MSR1: variants seen among roughly 807,000 people sequenced by gnomAD.
MSR1 encodes the protein macrophage scavenger receptor types I and II.
A neutral mutation model predicts 47.2 loss-of-function variants in MSR1; 53 were observed. That is an observed-to-expected ratio of 1.12 (90% CI 0.90 to 1.41). The LOEUF is 1.41. Ranked by LOEUF, MSR1 falls within the 40% of genes most tolerant of loss-of-function variation. The probability of loss-of-function intolerance (pLI) is 0.00; values close to 1 mark genes in which losing one functional copy is unlikely to be tolerated. For missense variants in MSR1, 786 were observed against 546.9 expected (o/e 1.44, Z -4.36); for synonymous variants, 239 against 185.6 (o/e 1.29, Z -2.34).
intron 8 of MSR1, chr8:16,139,489 T>G (rs1800472284): frequency 2.0e-6 from 2 of 983,898 alleles, no homozygotes; most frequent in South Asian, 9.4e-5. Context: ...ACTAGAATCT[T>G]AATAGTATGA....
intron 8 of MSR1, among the ~76,000 whole-genome samples, chr8:16,136,647 G>A (rs1682723924): frequency 6.6e-6 from 1 of 152,056 alleles, no homozygotes; most frequent in Non-Finnish European, 1.5e-5. Context: ...TCTGTCTCCA[G>A]GCGGGAGTGC....
Position 16,168,588 on chromosome 8 carries a change from T to C in MSR1, c.500A>G (p.Gln167Arg), listed in dbSNP as rs1482959327. The change falls in exon 4 of 10, where the codon CAG becomes CGG. Residue 167 changes from glutamine (Q) to arginine (R), a missense_variant. Transcript: ENST00000262101. ...TTCATCTATTGCATTCCCATGTCCC[T>C]GGACTGAGGAAAACAAGGTACTTAG... is the stretch of plus-strand genomic sequence containing the variant. ...LQLSTLFSSV[Q>R]GHGNAIDEIS... The C allele has an allele frequency of 2.5e-6, 4 of 1,614,064 alleles. No homozygotes were observed. Among genetic ancestry groups the C allele is most frequent in the African/African-American group, 2.7e-5 (2 of 74,946 alleles).
chr8:16,190,668 T>C (rs529397831), intron 1 of MSR1, among the ~76,000 whole-genome samples: 1 of 152,196 alleles, frequency 6.6e-6, no homozygotes, highest in African/African-American at 2.4e-5. Context: ...ATGCATTCGT[T>C]TTCCTAAGAT....
intron 9 of MSR1, 140 bp downstream of exon 9, chr8:16,120,278 A>T (rs979567258): frequency 8.3e-6 from 7 of 838,582 alleles, no homozygotes; most frequent in Non-Finnish European, 1.4e-5. Context: ...TAGGCAGGCT[A>T]AGGGAGGAGA....
intron 5 of MSR1, among the ~76,000 whole-genome samples, chr8:16,160,999 C>T (rs900850014): frequency 6.7e-6 from 1 of 149,554 alleles, no homozygotes; most frequent in African/African-American, 2.5e-5. Context: ...AAACCACACA[C>T]ATCCAGTAAT....
intron 5 of MSR1, among the ~76,000 whole-genome samples, chr8:16,161,800 G>A (rs1007551966): frequency 2.0e-5 from 3 of 151,228 alleles, no homozygotes; most frequent in African/African-American, 7.3e-5. Context: ...TTTTTTCATT[G>A]TCATCACTTG....
At chr8:16,162,760 T>G (rs1469957241) in intron 5 of MSR1, among the ~76,000 whole-genome samples, 1 of 151,956 alleles carries the variant, frequency 6.6e-6, no homozygotes, top group Non-Finnish European at 1.5e-5. Context: ...TGCAGGTATC[T>G]GGTGACAAGT....
intron 9 of MSR1, among the ~76,000 whole-genome samples, chr8:16,111,037 C>T (rs773865456): frequency 2.6e-5 from 4 of 152,034 alleles, no homozygotes; most frequent in African/African-American, 9.7e-5. Flanking sequence ...GCCAGGGACA[C>T]TTTTTAGTTC....
At chr8:16,173,781 T>C (rs575766620) in intron 3 of MSR1, among the ~76,000 whole-genome samples, 68 of 152,186 alleles carry the variant, frequency 4.5e-4, no homozygotes, top group African/African-American at 1.5e-3. Context: ...CCCGAGTAGC[T>C]GGGACTACAG....
intron 6 of MSR1, 100 bp downstream of exon 6, chr8:16,154,964 T>C (rs1800960566): frequency 1.0e-6 from 1 of 964,610 alleles, no homozygotes. Flanking sequence ...ACACATCCTC[T>C]GCAGGATATA....
At chr8:16,132,427 T>C (rs932429529) in intron 8 of MSR1, among the ~76,000 whole-genome samples, 1 of 152,128 alleles carries the variant, frequency 6.6e-6, no homozygotes, top group Non-Finnish European at 1.5e-5. Context: ...AATCATGTTG[T>C]CTGCAAACAG....
chr8:16,155,215 T>C, intron 5 of MSR1, 71 bp from the exon 6 acceptor site: 1 of 1,109,130 alleles, frequency 9.0e-7, no homozygotes, highest in South Asian at 1.3e-5. Flanking sequence ...TCTGTCAAGG[T>C]ACTTATATAA....
rs182495850 is a variant in MSR1, at chr8:16,154,071, T to A, written c.898+993A>T. Among the ~76,000 whole-genome samples, 3 of 151,884 alleles carry A rather than the reference T, an allele frequency of 2.0e-5. No homozygotes were observed. The East Asian group carries it at 5.8e-4, about 29-fold the overall frequency. On this transcript the variant is annotated intron_variant, in intron 6 of 9. Coordinates refer to ENST00000262101, the MANE Select transcript of MSR1 (RefSeq NM_138715.3). ...ATATAATATGCCATATATATTTATATACATATATATACATATATGTGCTTA... is the reference window on the plus strand; with the variant it reads ...ATATAATATGCCATATATATTTATAAACATATATATACATATATGTGCTTA...
intron 5 of MSR1, among the ~76,000 whole-genome samples, chr8:16,162,087 TAAG>T (rs1395579662): frequency 7.2e-5 from 11 of 151,926 alleles, no homozygotes; most frequent in Non-Finnish European, 1.6e-4. Context: ...TCCACTAATA[TAAG>T]AAGTACAGCA....
intron 8 of MSR1, among the ~76,000 whole-genome samples, chr8:16,137,636 T>C (rs1288610201): frequency 3.3e-5 from 5 of 152,134 alleles, no homozygotes; most frequent in African/African-American, 1.2e-4. Context: ...TTTATAATTC[T>C]AGAAATTGGG....
intron 8 of MSR1, 55 bp from the exon 9 acceptor site, chr8:16,120,661 T>A: frequency 4.6e-6 from 7 of 1,519,422 alleles, no homozygotes; most frequent in Non-Finnish European, 6.1e-6. Flanking sequence ...GGACTAATTA[T>A]GTACATACTG....
At chr8:16,140,293 A>C in intron 8 of MSR1, 1 of 974,848 alleles carries the variant, frequency 1.0e-6, no homozygotes, top group Non-Finnish European at 1.2e-6. Context: ...AAGAAAAAGA[A>C]AAAAAAAAAG....
intron 8 of MSR1, among the ~76,000 whole-genome samples, chr8:16,133,674 T>C (rs572496163): frequency 6.6e-6 from 1 of 152,312 alleles, no homozygotes; most frequent in South Asian, 2.1e-4. Context: ...GTAACACTTC[T>C]ACCTCTTGGT....
chr8:16,150,777 T>C (rs1212745024), intron 6 of MSR1, among the ~76,000 whole-genome samples: 3 of 151,972 alleles, frequency 2.0e-5, no homozygotes, highest in Non-Finnish European at 4.4e-5. Context: ...GGCTCTGAAA[T>C]ATATTACTTT....
Sources: gnomAD v4.1 joint callset for allele counts (sites outside exome capture counted in the v4.1 genomes callset) on GRCh38, gnomAD v4.1.1 for gene constraint, MANE v1.5 for transcripts, NCBI Gene and HGNC (gene_info 2026-07-23, HGNC 2026-07-21) for gene names.